Variants in RUNDC3B observed in about 807,000 individuals in gnomAD.
RUNDC3B encodes the protein RUN domain containing 3B.
In RUNDC3B, 33 loss-of-function variants were observed where a neutral mutation model predicts 58.4. The ratio of observed to expected loss-of-function variants is 0.56; its 90% CI spans 0.43 to 0.75. The LOEUF (loss-of-function observed/expected upper bound fraction) is 0.75, where lower values mean the gene tolerates loss of function less well. Among genes scored for constraint, RUNDC3B ranks in the 30% least tolerant of loss-of-function variants. The pLI, the probability that RUNDC3B is intolerant of heterozygous loss-of-function variation, is 0.00. For missense variants in RUNDC3B, 501 were observed against 535.7 expected (o/e 0.94, Z 0.64); for synonymous variants, 193 against 195.2 (o/e 0.99, Z 0.10).
At chr7:87,658,245 T>C (rs1824322627) in intron 2 of RUNDC3B, among the ~76,000 whole-genome samples, 1 of 152,070 alleles carries the variant, frequency 6.6e-6, no homozygotes, top group African/African-American at 2.4e-5. Flanking sequence ...TGAAAAAATA[T>C]GAAACTGAAA....
At chr7:87,804,597 T>G (rs1836343776) in intron 8 of RUNDC3B, among the ~76,000 whole-genome samples, 1 of 152,182 alleles carries the variant, frequency 6.6e-6, no homozygotes, top group Non-Finnish European at 1.5e-5. Context: ...CTTGCTACTT[T>G]CATAATAAAT....
At chr7:87,654,253 A>G (rs1823860683) in intron 2 of RUNDC3B, among the ~76,000 whole-genome samples, 1 of 152,098 alleles carries the variant, frequency 6.6e-6, no homozygotes, top group Non-Finnish European at 1.5e-5. Context: ...TTAATATGGA[A>G]CCACAAAAGA....
chr7:87,639,157 A>AAAC (rs1488578315), intron 1 of RUNDC3B, among the ~76,000 whole-genome samples: 4 of 151,262 alleles, frequency 2.6e-5, no homozygotes, highest in African/African-American at 9.7e-5. Flanking sequence ...CCGTCTCAAA[A>AAAC]AAAAAAAAAA....
intron 7 of RUNDC3B, among the ~76,000 whole-genome samples, 192 bp downstream of exon 7, chr7:87,770,941 A>G (rs1446225721): frequency 6.6e-6 from 1 of 152,180 alleles, no homozygotes; most frequent in African/African-American, 2.4e-5. Context: ...ACTTTTTCCA[A>G]TTTTATGTTT....
At chr7:87,819,175 A>G (rs1426073460) in intron 10 of RUNDC3B, among the ~76,000 whole-genome samples, 1 of 152,174 alleles carries the variant, frequency 6.6e-6, no homozygotes, top group Non-Finnish European at 1.5e-5. Context: ...CCGACTGATT[A>G]TTCAGTAAGA....
intron 8 of RUNDC3B, among the ~76,000 whole-genome samples, chr7:87,793,247 C>T (rs1835626151): frequency 6.6e-6 from 1 of 152,108 alleles, no homozygotes; most frequent in Admixed American, 6.5e-5. Context: ...AATGGCTTCA[C>T]TGCTAAATTC....
intron 2 of RUNDC3B, among the ~76,000 whole-genome samples, chr7:87,689,270 T>G (rs1827784008): frequency 6.6e-6 from 1 of 152,106 alleles, no homozygotes; most frequent in East Asian, 1.9e-4. Flanking sequence ...ATTGATGATC[T>G]CTGATGGTAA....
chr7:87,653,672 G>T (rs1299733918), intron 2 of RUNDC3B, among the ~76,000 whole-genome samples: 1 of 151,572 alleles, frequency 6.6e-6, no homozygotes, highest in Admixed American at 6.6e-5. Context: ...TTTCAAATGC[G>T]AGCCTAATAC....
At chr7:87,796,709 C>T (rs1835840317) in intron 8 of RUNDC3B, among the ~76,000 whole-genome samples, 1 of 152,002 alleles carries the variant, frequency 6.6e-6, no homozygotes, top group African/African-American at 2.4e-5. Context: ...GCAAAACTGC[C>T]CTTCAAAAAT....
At chr7:87,705,929 C>A (rs1357535001) in intron 3 of RUNDC3B, among the ~76,000 whole-genome samples, 1 of 152,090 alleles carries the variant, frequency 6.6e-6, no homozygotes, top group Non-Finnish European at 1.5e-5. Flanking sequence ...CTTGCTTTTT[C>A]ATTTTCTTGG....
At chr7:87,710,110 T>A (rs930978732) in intron 3 of RUNDC3B, among the ~76,000 whole-genome samples, 1 of 152,114 alleles carries the variant, frequency 6.6e-6, no homozygotes, top group African/African-American at 2.4e-5. Flanking sequence ...GTATAAAACC[T>A]CCCACTGAAA....
intron 2 of RUNDC3B, among the ~76,000 whole-genome samples, chr7:87,655,110 CATT>C (rs1249668509): frequency 6.6e-6 from 1 of 152,004 alleles, no homozygotes; most frequent in Non-Finnish European, 1.5e-5. Flanking sequence ...TTACAGAAAA[CATT>C]ATGGAGGTTC....
At chr7:87,694,272 A>G (rs894119261) in intron 2 of RUNDC3B, among the ~76,000 whole-genome samples, 7 of 152,166 alleles carry the variant, frequency 4.6e-5, no homozygotes, top group Non-Finnish European at 7.4e-5. Context: ...CAGTCTCAGT[A>G]AAACATAGAT....
chr7:87,685,346 T>A (rs1827353641), intron 2 of RUNDC3B, among the ~76,000 whole-genome samples: 1 of 152,182 alleles, frequency 6.6e-6, no homozygotes, highest in Non-Finnish European at 1.5e-5. Flanking sequence ...ATGTTCAACA[T>A]CATTAGTAAT....
chr7:87,709,898 A>C (rs1563152475), intron 3 of RUNDC3B, among the ~76,000 whole-genome samples: 1 of 152,212 alleles, frequency 6.6e-6, no homozygotes, highest in Non-Finnish European at 1.5e-5. Flanking sequence ...GTCCGTAAGA[A>C]AATTAATTAC....
rs756278870 is a variant in RUNDC3B, at chr7:87,628,902, C to T, written c.79C>T (p.Arg27Cys). The T allele has an allele frequency of 3.1e-6, 4 of 1,306,738 alleles. No homozygotes were observed. Among genetic ancestry groups the T allele is most frequent in the Admixed American group, 3.1e-5 (1 of 31,844 alleles). 80.9% of individuals were successfully genotyped at this position (1,306,738 alleles called of 1,614,324 possible). A position where few individuals can be genotyped will look rare whatever the true frequency, so the allele number is the denominator to read the frequency against. ...GGGGKKSLSA[R>C]NAAVERRNLI... ...AGGCGGCAAGAAAAGCCTGAGCGCCCGCAATGCTGCGGTGGAGAGGAGGAA... is the reference window on the plus strand; with the variant it reads ...AGGCGGCAAGAAAAGCCTGAGCGCCTGCAATGCTGCGGTGGAGAGGAGGAA... Residue 27 changes from arginine to cysteine, a missense_variant, in exon 1 of 11, where the codon CGC (arginine) becomes TGC (cysteine). By Grantham distance (180) the Arg-to-Cys change is radical (BLOSUM62 -3). Transcript: ENST00000394654.
chr7:87,794,503 GAA>G (rs1835702126), intron 8 of RUNDC3B, among the ~76,000 whole-genome samples: 1 of 151,718 alleles, frequency 6.6e-6, no homozygotes, highest in African/African-American at 2.4e-5. Flanking sequence ...CCAAAAAATA[GAA>G]AGATATTCCA....
At chr7:87,789,093 T>TTGTACAAA (rs1483102968) in intron 8 of RUNDC3B, among the ~76,000 whole-genome samples, 2 of 152,216 alleles carry the variant, frequency 1.3e-5, no homozygotes, top group Non-Finnish European at 2.9e-5. Context: ...AGATGATCTA[T>TTGTACAAA]TGTACAAATG....
chr7:87,651,924 TG>T (rs1352209865), intron 2 of RUNDC3B, among the ~76,000 whole-genome samples: 2 of 152,134 alleles, frequency 1.3e-5, no homozygotes. Context: ...CTGTTAAATT[TG>T]GTTGTTTTGC....
Sources: allele counts gnomAD v4.1 joint callset (sites outside exome capture counted in the v4.1 genomes callset), GRCh38; gene constraint gnomAD v4.1.1; transcripts MANE v1.5; gene names NCBI Gene and HGNC (gene_info 2026-07-23, HGNC 2026-07-21).